Variants in AFAP1L2 observed in about 807,000 individuals in gnomAD.
AFAP1L2 encodes actin filament associated protein 1 like 2.
A neutral mutation model predicts 99.3 loss-of-function variants in AFAP1L2; 46 were observed. That is an observed-to-expected ratio of 0.46 (90% CI 0.37 to 0.59). The LOEUF is 0.59. AFAP1L2 is among the 20% of genes least tolerant of loss of function. The pLI, the probability that AFAP1L2 is intolerant of heterozygous loss-of-function variation, is 0.00. For synonymous variants in AFAP1L2, 397 were observed against 419.1 expected (o/e 0.95, Z 0.64); for missense variants, 959 against 1,034.9 (o/e 0.93, Z 1.01).
chr10:114,362,947 C>A (rs771114380), intron 1 of AFAP1L2: 21 of 985,290 alleles, frequency 2.1e-5, no homozygotes, highest in Non-Finnish European at 2.5e-5. Flanking sequence ...ATAACACTCA[C>A]GAAAAGCTGA....
chr10:114,365,722 TC>T (rs1207055830), intron 1 of AFAP1L2, among the ~76,000 whole-genome samples: 2 of 110,626 alleles, frequency 1.8e-5, no homozygotes, highest in African/African-American at 2.7e-5. Flanking sequence ...TCTCTCTCTC[TC>T]TTTTTTTTTT....
chr10:114,390,760 T>G (rs2137934234), intron 1 of AFAP1L2, among the ~76,000 whole-genome samples: 1 of 149,334 alleles, frequency 6.7e-6, no homozygotes, highest in African/African-American at 2.5e-5. Context: ...CCTTCCAGAC[T>G]GGCTGTACTA....
At position 114,304,759 on chromosome 10, in the gene AFAP1L2, AAGG is replaced by A. The variant is rs773455471; in HGVS notation, c.1241_1243del (p.Ser414del). On this transcript the variant is annotated inframe_deletion, in exon 11 of 19. Coordinates refer to ENST00000304129, the MANE Select transcript of AFAP1L2 (RefSeq NM_001001936.3). ...CTCCTCGCCCTTGTGGAGGATGCGG[AAGG>A]AGTAGAGGTGGTCGGGGCTGGGGTC... 1.9e-6 allele frequency: 3 copies of A among 1,612,192 alleles called. No individual in the cohort carries two copies. Among genetic ancestry groups the A allele is most frequent in the Middle Eastern group, 1.7e-4 (1 of 5,992 alleles).
At position 114,299,338 on chromosome 10, in the gene AFAP1L2, T is replaced by G. The variant is rs1175443705; in HGVS notation, c.2035A>C (p.Lys679Gln). 6.2e-7 allele frequency: 1 copy of G among 1,614,224 alleles called. No homozygotes were observed. Among genetic ancestry groups the G allele is most frequent in the Non-Finnish European group, 8.5e-7 (1 of 1,180,022 alleles). The part of the protein sequence containing the change: ...TEEKERLEKK[K>Q]EEIRGHLAQL... ...GCCAGGTGCCCCCGGATTTCTTCCTTCTTCTTTTCAAGCCTCTCCTTCTCC... is the reference window on the plus strand; with the variant it reads ...GCCAGGTGCCCCCGGATTTCTTCCTGCTTCTTTTCAAGCCTCTCCTTCTCC... The change falls in exon 16 of 19, where the codon AAG (lysine) becomes CAG (glutamine). Residue 679 changes from lysine to glutamine, a missense_variant. Transcript: ENST00000304129.
intron 7 of AFAP1L2, among the ~76,000 whole-genome samples, chr10:114,310,971 G>A (rs1027781608): frequency 3.3e-4 from 27 of 80,648 alleles, no homozygotes; most frequent in East Asian, 1.1e-3. Context: ...CCGCCCGCCC[G>A]CCTCTGGGAA....
intron 1 of AFAP1L2, among the ~76,000 whole-genome samples, chr10:114,394,450 GT>G (rs59854616): frequency 0.47 from 70,943 of 151,944 alleles, 16,680 homozygotes; most frequent in Admixed American, 0.52. Flanking sequence ...CCAGGAGAGA[GT>G]TGGGAGGGTC....
chr10:114,338,906 G>A (rs2048364183), intron 2 of AFAP1L2, among the ~76,000 whole-genome samples: 1 of 152,154 alleles, frequency 6.6e-6, no homozygotes, highest in Admixed American at 6.5e-5. Flanking sequence ...TAAAAAGACA[G>A]AAAAATCATG....
intron 6 of AFAP1L2, 150 bp downstream of exon 6, chr10:114,315,410 A>T (rs2043959019): frequency 1.3e-6 from 1 of 754,634 alleles, no homozygotes; most frequent in Non-Finnish European, 2.2e-6. Flanking sequence ...AATCCTGTAT[A>T]CAATTTCAGA....
At chr10:114,313,236 C>T (rs763314175) in intron 7 of AFAP1L2, among the ~76,000 whole-genome samples, 5 of 152,120 alleles carry the variant, frequency 3.3e-5, no homozygotes, top group African/African-American at 4.8e-5. Context: ...GGGATCCATT[C>T]CTGGTGCAAA....
intron 1 of AFAP1L2, among the ~76,000 whole-genome samples, chr10:114,349,228 A>C (rs998732467): frequency 5.2e-4 from 79 of 152,024 alleles, no homozygotes; most frequent in Admixed American, 5.1e-3. Flanking sequence ...AAATACAAAA[A>C]TAAGCTGGGC....
intron 16 of AFAP1L2, among the ~76,000 whole-genome samples, chr10:114,297,983 C>CTGTT (rs1449719208): frequency 2.0e-5 from 3 of 152,184 alleles, no homozygotes; most frequent in Non-Finnish European, 4.4e-5. Context: ...CACAGGGCCA[C>CTGTT]TGTTTAAGAA....
intron 1 of AFAP1L2, among the ~76,000 whole-genome samples, chr10:114,348,152 A>G (rs904807391): frequency 7.2e-5 from 11 of 152,226 alleles, no homozygotes; most frequent in African/African-American, 2.7e-4. Flanking sequence ...GACTGAGTAC[A>G]ATTCCATTAT....
intron 16 of AFAP1L2, 76 bp downstream of exon 16, chr10:114,299,184 C>A: frequency 6.4e-7 from 1 of 1,565,818 alleles, no homozygotes; most frequent in Non-Finnish European, 8.7e-7. Flanking sequence ...GTGGTGACAG[C>A]CAGATCTTCC....
intron 1 of AFAP1L2, among the ~76,000 whole-genome samples, chr10:114,381,405 G>A (rs565664777): frequency 4.3e-4 from 66 of 152,306 alleles, no homozygotes; most frequent in Non-Finnish European, 8.5e-4. Flanking sequence ...TAAAGATGAA[G>A]GGGTGATCAA....
At chr10:114,346,680 C>T (rs1263336800) in intron 1 of AFAP1L2, among the ~76,000 whole-genome samples, 5 of 152,214 alleles carry the variant, frequency 3.3e-5, no homozygotes, top group Non-Finnish European at 7.3e-5. Context: ...TCCTGTGGAG[C>T]GAGGGAGAAA....
intron 1 of AFAP1L2, among the ~76,000 whole-genome samples, chr10:114,374,652 C>T (rs1250892117): frequency 6.6e-6 from 1 of 151,914 alleles, no homozygotes; most frequent in Non-Finnish European, 1.5e-5. Flanking sequence ...CTCACCCCCT[C>T]GCTGGATGAT....
chr10:114,300,730 C>T, intron 13 of AFAP1L2, 40 bp from the exon 14 acceptor site: 1 of 1,547,206 alleles, frequency 6.5e-7, no homozygotes, highest in Non-Finnish European at 8.7e-7. Context: ...AACATTACCT[C>T]TACTCCCTCA....
intron 1 of AFAP1L2, among the ~76,000 whole-genome samples, chr10:114,378,734 G>C (rs2055150421): frequency 6.6e-6 from 1 of 152,146 alleles, no homozygotes; most frequent in African/African-American, 2.4e-5. Flanking sequence ...CCATCTTCCA[G>C]CTCCTCAAGA....
At chr10:114,353,259 A>G (rs2050817512) in intron 1 of AFAP1L2, among the ~76,000 whole-genome samples, 1 of 152,190 alleles carries the variant, frequency 6.6e-6, no homozygotes, top group African/African-American at 2.4e-5. Context: ...CCGCCTGAGG[A>G]GGGAAACGGG....
Sources: gnomAD v4.1 joint callset for allele counts (sites outside exome capture counted in the v4.1 genomes callset) on GRCh38, gnomAD v4.1.1 for gene constraint, MANE v1.5 for transcripts, NCBI Gene and HGNC (gene_info 2026-07-23, HGNC 2026-07-21) for gene names.